The following IL1RAPL1 variants were observed in gnomAD, a reference collection of about 807,000 sequenced individuals.
IL1RAPL1 encodes interleukin-1 receptor accessory protein-like 1.
In IL1RAPL1, 3 loss-of-function variants were observed where a neutral mutation model predicts 48.4. The observed-to-expected ratio is 0.06, with a 90% CI of 0.03 to 0.16. IL1RAPL1 has a LOEUF of 0.16. IL1RAPL1 is among the 10% of genes least tolerant of loss of function. IL1RAPL1 has a pLI of 1.00. For missense variants in IL1RAPL1, 349 were observed against 530.6 expected (o/e 0.66, Z 3.36); for synonymous variants, 185 against 187.7 (o/e 0.99, Z 0.12).
intron 2 of IL1RAPL1, among the ~76,000 whole-genome samples, chrX:28,998,794 G>A (rs1437289974): frequency 4.5e-5 from 5 of 112,188 alleles, no homozygotes; most frequent in Admixed American, 1.9e-4. Flanking sequence ...AACATGCAGT[G>A]TTCTTGCTGT....
At chrX:29,656,474 G>A (rs1021862460) in intron 5 of IL1RAPL1, among the ~76,000 whole-genome samples, 5 of 110,452 alleles carry the variant, frequency 4.5e-5, no homozygotes, top group Non-Finnish European at 7.6e-5. Context: ...ATGCATTTGT[G>A]TCCTCATATC....
At chrX:28,958,143 A>AT (rs906676728) in intron 2 of IL1RAPL1, among the ~76,000 whole-genome samples, 4 of 109,823 alleles carry the variant, frequency 3.6e-5, no homozygotes, top group Non-Finnish European at 5.7e-5. Context: ...CTTGAAATCT[A>AT]TTTTTTTTAG....
chrX:29,806,463 C>A (rs1313911294), intron 6 of IL1RAPL1, among the ~76,000 whole-genome samples: 1 of 111,315 alleles, frequency 9.0e-6, no homozygotes, highest in Non-Finnish European at 1.9e-5. Flanking sequence ...CTAAACTTGA[C>A]AAAGTTATTC....
At chrX:28,686,851 C>A (rs184538214) in intron 1 of IL1RAPL1, among the ~76,000 whole-genome samples, 139 of 111,906 alleles carry the variant, frequency 1.2e-3, no homozygotes, top group Non-Finnish European at 2.0e-3. Flanking sequence ...ATGTTGTGGA[C>A]AAATCTGGAG....
intron 5 of IL1RAPL1, among the ~76,000 whole-genome samples, chrX:29,646,569 G>T (rs1028748390): frequency 9.0e-6 from 1 of 111,306 alleles, no homozygotes; most frequent in East Asian, 2.8e-4. Flanking sequence ...TGTCAAATCT[G>T]CAGAAAGATA....
At chrX:29,581,526 TC>T (rs1327445672) in intron 5 of IL1RAPL1, among the ~76,000 whole-genome samples, 5 of 112,071 alleles carry the variant, frequency 4.5e-5, no homozygotes, top group Non-Finnish European at 7.5e-5. Flanking sequence ...CACAATTGTT[TC>T]CTGGATTCTA....
chrX:29,433,762 T>C (rs1277942143), intron 5 of IL1RAPL1, among the ~76,000 whole-genome samples: 2 of 111,495 alleles, frequency 1.8e-5, no homozygotes, highest in African/African-American at 3.2e-5. Flanking sequence ...CATTGAGTTT[T>C]TAAGTAAGCA....
chrX:29,702,461 A>G (rs1927080306), intron 6 of IL1RAPL1, among the ~76,000 whole-genome samples: 1 of 111,157 alleles, frequency 9.0e-6, no homozygotes, highest in Non-Finnish European at 1.9e-5. Flanking sequence ...CCAACCAAAT[A>G]AGAATAGTTT....
chrX:28,747,228 A>C (rs1157263901), intron 1 of IL1RAPL1, among the ~76,000 whole-genome samples: 3 of 110,897 alleles, frequency 2.7e-5, no homozygotes, highest in Non-Finnish European at 5.7e-5. Flanking sequence ...TTATAATACT[A>C]TTTTCTTCTT....
intron 2 of IL1RAPL1, among the ~76,000 whole-genome samples, chrX:29,102,289 A>C (rs1444056806): frequency 8.9e-6 from 1 of 112,185 alleles, no homozygotes; most frequent in Non-Finnish European, 1.9e-5. Context: ...CACTTTCACC[A>C]CTGCTATTCA....
At chrX:28,597,395 G>C (rs1933966954) in intron 1 of IL1RAPL1, among the ~76,000 whole-genome samples, 1 of 111,489 alleles carries the variant, frequency 9.0e-6, no homozygotes, top group African/African-American at 3.3e-5. Flanking sequence ...CCTCAAACAG[G>C]CATCACTGGC....
chrX:28,770,236 A>G (rs772268838), intron 1 of IL1RAPL1, among the ~76,000 whole-genome samples: 2 of 111,885 alleles, frequency 1.8e-5, no homozygotes, highest in South Asian at 7.6e-4. Context: ...GGGAGGATCT[A>G]GTTTTGATGG....
chrX:29,040,070 A>G (rs927075552), intron 2 of IL1RAPL1, among the ~76,000 whole-genome samples: 4 of 112,297 alleles, frequency 3.6e-5, no homozygotes, highest in Non-Finnish European at 7.5e-5. Context: ...AATGAAAAAC[A>G]TTATGGGTTA....
At chrX:28,816,420 CCA>C (rs1218545340) in intron 2 of IL1RAPL1, among the ~76,000 whole-genome samples, 1 of 109,900 alleles carries the variant, frequency 9.1e-6, no homozygotes, top group African/African-American at 3.3e-5. Context: ...CGAGTAGTCC[CCA>C]GTGTCTTTTG....
chrX:28,817,956 G>C lies in IL1RAPL1; in HGVS notation c.82+28531G>C, dbSNP rs148273662. On this transcript the variant is annotated intron_variant, in intron 2 of 10. Coordinates refer to ENST00000378993, the MANE Select transcript of IL1RAPL1 (RefSeq NM_014271.4). ...GTGACAGGATTGTGAGTCTGGATAT[G>C]ATTGAGCAGTTTAGTAATATATATA... 2.4e-3 allele frequency among the ~76,000 whole-genome samples: 262 copies of C among 110,916 alleles called. 1 individual carries two copies. Among genetic ancestry groups the C allele is most frequent in the African/African-American group, 8.2e-3 (250 of 30,651 alleles).
intron 8 of IL1RAPL1, among the ~76,000 whole-genome samples, chrX:29,937,903 ACTAT>A (rs1670297413): frequency 8.9e-6 from 1 of 111,741 alleles, no homozygotes; most frequent in African/African-American, 3.3e-5. Flanking sequence ...TTAGTAAATG[ACTAT>A]CTATGGCCCA....
At chrX:29,635,177 G>T (rs1924926037) in intron 5 of IL1RAPL1, among the ~76,000 whole-genome samples, 1 of 111,320 alleles carries the variant, frequency 9.0e-6, no homozygotes, top group Admixed American at 9.5e-5. Flanking sequence ...AGTGATGCAA[G>T]AAAAATTTAT....
intron 6 of IL1RAPL1, among the ~76,000 whole-genome samples, chrX:29,679,654 A>AC (rs1569144408): frequency 8.9e-6 from 1 of 112,187 alleles, no homozygotes; most frequent in African/African-American, 3.2e-5. Context: ...TTTAAAAAAA[A>AC]CCCTGTCTCT....
chrX:28,927,915 A>T (rs1270049642), intron 2 of IL1RAPL1, among the ~76,000 whole-genome samples: 2 of 111,312 alleles, frequency 1.8e-5, no homozygotes, highest in Non-Finnish European at 3.8e-5. Context: ...TTAAAATGCT[A>T]ACTATATGCA....
Sources: allele counts gnomAD v4.1 joint callset (sites outside exome capture counted in the v4.1 genomes callset), GRCh38; gene constraint gnomAD v4.1.1; transcripts MANE v1.5; gene names NCBI Gene and HGNC (gene_info 2026-07-23, HGNC 2026-07-21).